DIP2B: variants seen among roughly 807,000 people sequenced by gnomAD.
The protein encoded by DIP2B is disco-interacting protein 2 homolog B.
In DIP2B, 76 loss-of-function variants were observed where a neutral mutation model predicts 198.0. The ratio of observed to expected loss-of-function variants is 0.38; its 90% CI spans 0.32 to 0.46. The LOEUF is 0.46. DIP2B is among the 20% of genes least tolerant of loss of function. DIP2B has a pLI of 0.99. For synonymous variants in DIP2B, 701 were observed against 739.1 expected, an observed-to-expected ratio of 0.95 and a Z score of 0.84; for missense variants, 1,559 against 1,978.4, an observed-to-expected ratio of 0.79 and a Z score of 4.02.
chr12:50,625,868 G>A, intron 1 of DIP2B, 108 bp from the exon 2 acceptor site: 3 of 1,141,112 alleles, frequency 2.6e-6, no homozygotes, highest in East Asian at 4.8e-5. Context: ...CCAACCCCCT[G>A]CCTCTATATG....
At chr12:50,741,621 C>T (rs1940245833) in intron 37 of DIP2B, 82 bp downstream of exon 37, 2 of 1,501,686 alleles carry the variant, frequency 1.3e-6, no homozygotes, top group Admixed American at 3.9e-5. Context: ...GTCATTGGGA[C>T]CACATACCTA....
At chr12:50,539,618 CA>C (rs59642964) in intron 1 of DIP2B, among the ~76,000 whole-genome samples, 26 of 132,860 alleles carry the variant, frequency 2.0e-4, no homozygotes, top group Admixed American at 2.3e-4. Flanking sequence ...TACTCTGTCT[CA>C]AAAAAAAAAA....
In DIP2B at chr12:50,714,459, C is replaced by T; in HGVS notation, c.2714C>T (p.Pro905Leu). Residue 905 changes from proline to leucine, a missense_variant, in exon 23 of 38, where the codon CCA (proline) becomes CTA (leucine). Physicochemically the swap from Pro to Leu is moderately conservative, Grantham distance 98. Coordinates refer to ENST00000301180, the MANE Select transcript of DIP2B (RefSeq NM_173602.3). The part of the protein sequence containing the change: ...CLALVPANTL[P>L]KTPLGGIHIS... Reference sequence around the variant, plus strand: ...GCTCTGGTGCCAGCCAATACATTGCCAAAAACTCCACTAGGAGGAATCCAT... The same window carrying T: ...GCTCTGGTGCCAGCCAATACATTGCTAAAAACTCCACTAGGAGGAATCCAT... 2 of 1,614,148 alleles carry T rather than the reference C, an allele frequency of 1.2e-6. No individual in the cohort carries two copies. Among genetic ancestry groups the T allele is most frequent in the Non-Finnish European group, 1.7e-6 (2 of 1,180,032 alleles).
intron 1 of DIP2B, among the ~76,000 whole-genome samples, chr12:50,537,456 T>C (rs1248776568): frequency 2.6e-5 from 4 of 152,104 alleles, no homozygotes; most frequent in African/African-American, 9.7e-5. Context: ...TAGTGTGTTA[T>C]ATATACAAAC....
chr12:50,526,626 C>CTTTTTTTT lies in DIP2B; in HGVS notation c.100+21406_100+21413dup, dbSNP rs11423846. ...TGCATTGATTCTCTTTTTCCTCTGC[C>CTTTTTTTT]TTTTTTTTTTTTTTTTTTTTTTTTT... On this transcript the variant is annotated intron_variant, in intron 1 of 37. Coordinates refer to ENST00000301180, the MANE Select transcript of DIP2B (RefSeq NM_173602.3). Among the ~76,000 whole-genome samples, 121 of 64,192 alleles carry CTTTTTTTT rather than the reference C, an allele frequency of 1.9e-3. 22 individuals carry two copies. Among genetic ancestry groups the CTTTTTTTT allele is most frequent in the African/African-American group, 7.5e-3 (107 of 14,200 alleles). 42.1% of individuals were successfully genotyped at this position (64,192 alleles called of 152,430 possible). A position where few individuals can be genotyped will look rare whatever the true frequency, so the allele number is the denominator to read the frequency against.
chr12:50,693,772 T>C (rs1466299119), intron 14 of DIP2B, among the ~76,000 whole-genome samples: 3 of 152,258 alleles, frequency 2.0e-5, no homozygotes, highest in African/African-American at 4.8e-5. Flanking sequence ...AATTGAGTTA[T>C]AAACACCAGC....
chr12:50,546,557 T>C (rs997889683), intron 1 of DIP2B, among the ~76,000 whole-genome samples: 4 of 152,202 alleles, frequency 2.6e-5, no homozygotes, highest in Non-Finnish European at 5.9e-5. Context: ...CACTTATTTT[T>C]GGGCAAGTTA....
At chr12:50,588,951 G>A (rs145280151) in intron 1 of DIP2B, among the ~76,000 whole-genome samples, 9,731 of 151,910 alleles carry the variant, frequency 0.064, 729 homozygotes, top group East Asian at 0.36. Context: ...TTGGGAGGCC[G>A]AGGCGGGCGG....
chr12:50,696,772 C>T (rs975693932), intron 16 of DIP2B, among the ~76,000 whole-genome samples: 1 of 152,176 alleles, frequency 6.6e-6, no homozygotes, highest in South Asian at 2.1e-4. Flanking sequence ...TGCATATTGC[C>T]TGCAGTGTTA....
chr12:50,661,745 T>C (rs941357630), intron 4 of DIP2B, among the ~76,000 whole-genome samples: 2 of 152,222 alleles, frequency 1.3e-5, no homozygotes, highest in African/African-American at 2.4e-5. Context: ...CAGATTACAC[T>C]GCAGTGTGGC....
chr12:50,641,149 G>T (rs1938250308), intron 3 of DIP2B, among the ~76,000 whole-genome samples: 1 of 152,182 alleles, frequency 6.6e-6, no homozygotes, highest in African/African-American at 2.4e-5. Flanking sequence ...TTGAGGTCAG[G>T]AGTTTGAGAC....
chr12:50,649,186 C>T (rs1938409775), intron 3 of DIP2B, among the ~76,000 whole-genome samples: 1 of 152,118 alleles, frequency 6.6e-6, no homozygotes, highest in South Asian at 2.1e-4. Context: ...AATTACTTTA[C>T]AAATCTAATC....
chr12:50,534,660 G>A (rs1288394095), intron 1 of DIP2B, among the ~76,000 whole-genome samples: 1 of 152,110 alleles, frequency 6.6e-6, no homozygotes, highest in South Asian at 2.1e-4. Flanking sequence ...CACCATGCCC[G>A]GCCTCAGTTG....
chr12:50,546,431 G>A (rs1265524828), intron 1 of DIP2B, among the ~76,000 whole-genome samples: 1 of 152,218 alleles, frequency 6.6e-6, no homozygotes, highest in African/African-American at 2.4e-5. Flanking sequence ...CCTGAGATCA[G>A]TGATTCAGAA....
At chr12:50,692,054 G>A (rs1939231914) in intron 13 of DIP2B, among the ~76,000 whole-genome samples, 1 of 151,786 alleles carries the variant, frequency 6.6e-6, no homozygotes, top group Non-Finnish European at 1.5e-5. Flanking sequence ...GACAGAGCAA[G>A]ACTCTGTCTC....
At chr12:50,706,876 A>G (rs555917397) in intron 21 of DIP2B, among the ~76,000 whole-genome samples, 1 of 152,022 alleles carries the variant, frequency 6.6e-6, no homozygotes, top group African/African-American at 2.4e-5. Flanking sequence ...CTTCAGCTGT[A>G]ACTAAGAGGA....
At position 50,746,934 on chromosome 12, in the gene DIP2B, C is replaced by A. The variant is rs1244892131; in HGVS notation, c.*2095C>A. The A allele has an allele frequency of 6.6e-6, 1 of 152,114 alleles. No individual in the cohort carries two copies. Among genetic ancestry groups the A allele is most frequent in the Non-Finnish European group, 1.5e-5 (1 of 68,038 alleles). 9.4% of individuals were successfully genotyped at this position (152,114 alleles called of 1,614,324 possible). Reference sequence around the variant, plus strand: ...TAGGGTATAGGCATCTAGAGATGCACTGTCCACTGTAAATACTATAATGAG... The same window carrying A: ...TAGGGTATAGGCATCTAGAGATGCAATGTCCACTGTAAATACTATAATGAG... On this transcript the variant is annotated 3_prime_UTR_variant, in exon 38 of 38. Transcript: ENST00000301180.
At chr12:50,690,674 GCA>G (rs762458982) in intron 12 of DIP2B, among the ~76,000 whole-genome samples, 24 of 152,268 alleles carry the variant, frequency 1.6e-4, no homozygotes, top group Non-Finnish European at 2.5e-4. Flanking sequence ...TGCTTCTAAC[GCA>G]CAGAGACCGC....
chr12:50,596,413 A>C (rs1958879213), intron 1 of DIP2B, among the ~76,000 whole-genome samples: 2 of 152,296 alleles, frequency 1.3e-5, no homozygotes, highest in South Asian at 4.1e-4. Flanking sequence ...GGGCTGTGGA[A>C]TCTTAGAGCT....
Sources: allele counts gnomAD v4.1 joint callset (sites outside exome capture counted in the v4.1 genomes callset), GRCh38; gene constraint gnomAD v4.1.1; transcripts MANE v1.5; gene names NCBI Gene and HGNC (gene_info 2026-07-23, HGNC 2026-07-21).